The following SHISA7 variants were observed in gnomAD, a reference collection of about 807,000 sequenced individuals.
The protein encoded by SHISA7 is shisa family member 7, also known as protein shisa-7.
A neutral mutation model predicts 23.9 loss-of-function variants in SHISA7; 6 were observed. That is an observed-to-expected ratio of 0.25 (90% CI 0.14 to 0.50). The LOEUF (loss-of-function observed/expected upper bound fraction) is 0.50, where lower values mean the gene tolerates loss of function less well. SHISA7 is among the 20% of genes least tolerant of loss of function. SHISA7 has a pLI of 0.98. For missense variants in SHISA7, 671 were observed against 801.1 expected (o/e 0.84, Z 1.96); for synonymous variants, 386 against 398.3 (o/e 0.97, Z 0.37).
At position 55,442,467 on chromosome 19, in the gene SHISA7, T is replaced by A; in HGVS notation, c.397A>T (p.Thr133Ser). Residue 133 changes from threonine to serine, a missense_variant, in exon 1 of 4, where the codon ACG (threonine) becomes TCG (serine). Transcript: ENST00000376325. ...GGCGGCGTGGTGGCCCAGCGCGGCG[T>A]GTCGTAGTTGGAGCAGGAGGCCTGC... ...LAQASCSNYD[T>S]PRWATTPPPL... 1.4e-6 allele frequency: 2 copies of A among 1,443,072 alleles called. No homozygotes were observed. The highest frequency in any genetic ancestry group is 1.8e-6 in the Non-Finnish European group (2 of 1,096,894). 89.4% of individuals were successfully genotyped at this position (1,443,072 alleles called of 1,614,324 possible). A position where few individuals can be genotyped will look rare whatever the true frequency, so the allele number is the denominator to read the frequency against.
intron 2 of SHISA7, among the ~76,000 whole-genome samples, chr19:55,439,171 G>A (rs1985537051): frequency 6.6e-6 from 1 of 152,210 alleles, no homozygotes; most frequent in Admixed American, 6.5e-5. Context: ...CCCACTGGAT[G>A]TCTGCAGCCC....
At chr19:55,437,857 C>G in intron 2 of SHISA7, 103 bp from the exon 3 acceptor site, 1 of 1,349,764 alleles carries the variant, frequency 7.4e-7, no homozygotes, top group African/African-American at 1.5e-5. Flanking sequence ...GTCCAGAAAC[C>G]CAGCCCCTCT....
In SHISA7 at chr19:55,433,233, C is replaced by G. The variant is rs1455167419; in HGVS notation, c.1540G>C (p.Glu514Gln). The G allele has an allele frequency of 2.6e-6, 4 of 1,524,752 alleles. No individual in the cohort carries two copies. The Admixed American group carries it at 7.9e-5, about 30-fold the overall frequency. 94.5% of individuals were successfully genotyped at this position (1,524,752 alleles called of 1,614,324 possible). A position where few individuals can be genotyped will look rare whatever the true frequency, so the allele number is the denominator to read the frequency against. ...TGGCCCGGGATGAACTGCAGCTGCT[C>G]CAGCGTGCCCTGGCGCTGGAAGGGC... The part of the protein sequence containing the change: ...RPPFQRQGTL[E>Q]QLQFIPGHHL... Residue 514 changes from glutamate to glutamine, a missense_variant, in exon 4 of 4, where the codon GAG becomes CAG. Glu to Gln is a conservative substitution (Grantham distance 29, BLOSUM62 2). This residue lies in a region of SHISA7 where 457 missense variants were observed against 488.3 expected (regional missense o/e 0.94). Coordinates refer to ENST00000376325, the MANE Select transcript of SHISA7 (RefSeq NM_001145176.2). The surrounding 1 kb of genome is among the most constrained non-coding windows in gnomAD (Gnocchi z 8.4).
chr19:55,440,656 T>A lies in SHISA7; in HGVS notation c.781A>T (p.Arg261Trp). The A allele has an allele frequency of 3.2e-6, 4 of 1,249,522 alleles. No homozygotes were observed. Among genetic ancestry groups the A allele is most frequent in the Non-Finnish European group, 4.0e-6 (4 of 988,202 alleles). The allele number at this position is 1,249,522 out of a possible 1,614,324, so 77.4% of individuals were successfully genotyped here. Residue 261 changes from arginine to tryptophan, a missense_variant, in exon 2 of 4, where the codon AGG becomes TGG. By Grantham distance (101) the Arg-to-Trp change is moderately radical. This residue lies in a region of SHISA7 where 457 missense variants were observed against 488.3 expected (regional missense o/e 0.94). Transcript: ENST00000376325. Reference protein sequence around the residue: ...GIGGPDSMPPRTPKNLYNTVK... With the variant: ...GIGGPDSMPPWTPKNLYNTVK... Reference sequence around the variant, plus strand: ...GTGTTGTAGAGGTTCTTGGGCGTCCTGGGGGGCATGCTGTCGGGACCGCCG... The same window carrying A: ...GTGTTGTAGAGGTTCTTGGGCGTCCAGGGGGGCATGCTGTCGGGACCGCCG...
chr19:55,434,464 G>C lies in SHISA7; in HGVS notation c.977-668C>G, dbSNP rs562198705. Reference sequence around the variant, plus strand: ...TGTGTGTGTGGGTGTGTGGTTGTGTGGTGTGTGTGTATGGTGTGTGTGTGG... The same window carrying C: ...TGTGTGTGTGGGTGTGTGGTTGTGTCGTGTGTGTGTATGGTGTGTGTGTGG... On this transcript the variant is annotated intron_variant, in intron 3 of 3. Transcript: ENST00000376325. Among the ~76,000 whole-genome samples, 268 of 127,306 alleles carry C rather than the reference G, an allele frequency of 2.1e-3. 1 individual carries two copies. The highest frequency in any genetic ancestry group is 7.5e-3 in the African/African-American group (246 of 32,788). 83.5% of individuals were successfully genotyped at this position (127,306 alleles called of 152,430 possible). A position where few individuals can be genotyped will look rare whatever the true frequency, so the allele number is the denominator to read the frequency against.
At chr19:55,434,824 TGTGTGTG>T (rs1460236287) in intron 3 of SHISA7, among the ~76,000 whole-genome samples, 2,739 of 75,458 alleles carry the variant, frequency 0.036, 119 homozygotes, top group Non-Finnish European at 0.041. Flanking sequence ...GGTGTGTATG[TGTGTGTG>T]GTGTGTGGTG....
Position 55,437,665 on chromosome 19 carries a change from G to C in SHISA7, c.916C>G (p.Pro306Ala). ...RSFHNLSHLP[P>A]SYEAAVKSEL... is the part of the protein sequence containing the mutation. ...GATTTCACGGCAGCCTCGTAGGACG[G>C]GGGCAGATGCGAGAGGTTGTGGAAG... The change falls in exon 3 of 4, where the codon CCG becomes GCG. Residue 306 changes from proline to alanine, a missense_variant. Pro to Ala is a conservative substitution (Grantham distance 27). Coordinates refer to ENST00000376325, the MANE Select transcript of SHISA7 (RefSeq NM_001145176.2). 1.9e-6 allele frequency: 3 copies of C among 1,551,608 alleles called. No homozygotes were observed. The highest frequency in any genetic ancestry group is 2.6e-6 in the Non-Finnish European group (3 of 1,146,962).
intron 1 of SHISA7, among the ~76,000 whole-genome samples, chr19:55,441,284 C>A (rs1985592921): frequency 6.6e-6 from 1 of 152,248 alleles, no homozygotes; most frequent in East Asian, 1.9e-4. Flanking sequence ...GGTCTCCCCA[C>A]TCCCACCCTA....
At chr19:55,442,126 A>T (rs577093165) in intron 1 of SHISA7, 67 bp downstream of exon 1, 203 of 1,418,920 alleles carry the variant, frequency 1.4e-4, no homozygotes, top group Non-Finnish European at 1.8e-4. Context: ...TCCTCCTCGG[A>T]TGGCTCCACC....
intron 3 of SHISA7, among the ~76,000 whole-genome samples, chr19:55,434,797 T>C (rs1985360230): frequency 7.8e-6 from 1 of 127,828 alleles, no homozygotes; most frequent in African/African-American, 3.1e-5. Flanking sequence ...GTGTGGTGTG[T>C]GTGTGCGTGT....
At chr19:55,438,532 C>T in intron 2 of SHISA7, 1 of 1,303,962 alleles carries the variant, frequency 7.7e-7, no homozygotes, top group Non-Finnish European at 1.0e-6. Context: ...GAGGCCTGCT[C>T]TTTTCCGCAG....
rs1985096311 is a variant in SHISA7 at position 55,428,863 on chromosome 19, G to A, written c.*4293C>T. 1 of 152,276 alleles carries A rather than the reference G, an allele frequency of 6.6e-6. No homozygotes were observed. Among genetic ancestry groups the A allele is most frequent in the African/African-American group, 2.4e-5 (1 of 41,446 alleles). 9.4% of individuals were successfully genotyped at this position (152,276 alleles called of 1,614,324 possible). ...GGGGGTGGAGAGAGGAAGTGATGAG[G>A]AGGGAGGCAGAAGCTGTTGGAGGGT... On this transcript the variant is annotated 3_prime_UTR_variant, in exon 4 of 4. Transcript: ENST00000376325.
chr19:55,434,439 TGTGTGTGTGG>T (rs961074420), intron 3 of SHISA7, among the ~76,000 whole-genome samples: 1 of 132,200 alleles, frequency 7.6e-6, no homozygotes, highest in Non-Finnish European at 1.6e-5. Flanking sequence ...GTGTGTGGTG[TGTGTGTGTGG>T]GTGTGTGGTT....
Position 55,433,587 on chromosome 19 carries a change from A to C in SHISA7, c.1186T>G (p.Ser396Ala), listed in dbSNP as rs1985268366. The C allele has an allele frequency of 6.7e-7, 1 of 1,498,674 alleles. No homozygotes were observed. Among genetic ancestry groups the C allele is most frequent in the South Asian group, 1.2e-5 (1 of 80,342 alleles). The allele number at this position is 1,498,674 out of a possible 1,614,324, so 92.8% of individuals were successfully genotyped here. The change falls in exon 4 of 4, where the codon TCG (serine) becomes GCG (alanine). Residue 396 changes from serine (S) to alanine (A), a missense_variant. Physicochemically the swap from Ser to Ala is moderately conservative, Grantham distance 99 (BLOSUM62 1). Around this residue, in one of 5 missense-constraint regions of SHISA7, gnomAD observed 457 missense variants for 488.3 expected, o/e 0.94. Coordinates refer to ENST00000376325, the MANE Select transcript of SHISA7 (RefSeq NM_001145176.2). This position sits in a 1 kb window ranked among gnomAD's most constrained non-coding sequence, Gnocchi z 8.4. ...CGCGGCAGCGTGAACTCGTAGCGCG[A>C]ACGGCCACCATCGCCCAGCAGGTGC... ...QEHLLGDGGR[S>A]RYEFTLPRAR...
chr19:55,442,173 C>A lies in SHISA7; in HGVS notation c.671+20G>T. On this transcript the variant is annotated intron_variant, in intron 1 of 3. Coordinates refer to ENST00000376325, the MANE Select transcript of SHISA7 (RefSeq NM_001145176.2). ...GCCCCGCCCCAGGCTCGCAGTCCTC[C>A]CGCCCGAGAGCACACGCACCTGGGC... The A allele has an allele frequency of 6.6e-7, 1 of 1,526,382 alleles. No individual in the cohort carries two copies. The allele number at this position is 1,526,382 out of a possible 1,614,324, so 94.6% of individuals were successfully genotyped here.
chr19:55,433,076 C>A lies in SHISA7; in HGVS notation c.*80G>T. ...GCCGATCTGGGCCCCAGGCCCCTGG[C>A]ATGTGTGCGCCTGTGTCGGGGGATC... On this transcript the variant is annotated 3_prime_UTR_variant, in exon 4 of 4. Coordinates refer to ENST00000376325, the MANE Select transcript of SHISA7 (RefSeq NM_001145176.2). The surrounding 1 kb of genome is among the most constrained non-coding windows in gnomAD (Gnocchi z 8.4). 6 of 1,421,656 alleles carry A rather than the reference C, an allele frequency of 4.2e-6. No homozygotes were observed. The highest frequency in any genetic ancestry group is 4.6e-6 in the Non-Finnish European group (5 of 1,092,442). 88.1% of individuals were successfully genotyped at this position (1,421,656 alleles called of 1,614,324 possible). A position where few individuals can be genotyped will look rare whatever the true frequency, so the allele number is the denominator to read the frequency against.
chr19:55,433,272 G>A lies in SHISA7; in HGVS notation c.1501C>T (p.Leu501=). The change falls in exon 4 of 4, where the codon CTG becomes TTG. Residue 501 remains leucine (L), a synonymous_variant. Transcript: ENST00000376325. This position sits in a 1 kb window ranked among gnomAD's most constrained non-coding sequence, Gnocchi z 8.4. Reference sequence around the variant, plus strand: ...CGCTGGAAGGGCGGCCTGCGGGCCAGTGTGCCCCCGCCCCCGCCGGCGTCG... The same window carrying A: ...CGCTGGAAGGGCGGCCTGCGGGCCAATGTGCCCCCGCCCCCGCCGGCGTCG... ...MSDAGGGGGT[L]ARRPPFQRQG... 14 of 1,514,566 alleles carry A rather than the reference G, an allele frequency of 9.2e-6. No individual in the cohort carries two copies. Among genetic ancestry groups the A allele is most frequent in the Non-Finnish European group, 1.2e-5 (14 of 1,138,020 alleles). 93.8% of individuals were successfully genotyped at this position (1,514,566 alleles called of 1,614,324 possible). A position where few individuals can be genotyped will look rare whatever the true frequency, so the allele number is the denominator to read the frequency against.
chr19:55,437,832 C>T, intron 2 of SHISA7, 78 bp from the exon 3 acceptor site: 3 of 1,469,172 alleles, frequency 2.0e-6, no homozygotes, highest in Non-Finnish European at 1.8e-6. Flanking sequence ...AGCCCCTGCT[C>T]CATCAGACCC....
At chr19:55,437,143 G>T (rs1985481650) in intron 3 of SHISA7, among the ~76,000 whole-genome samples, 1 of 152,128 alleles carries the variant, frequency 6.6e-6, no homozygotes, top group African/African-American at 2.4e-5. Context: ...CAGGGTCCCT[G>T]AGCTGGTAGA....
Sources: allele counts gnomAD v4.1 joint callset (sites outside exome capture counted in the v4.1 genomes callset), GRCh38; gene constraint gnomAD v4.1.1; regional missense constraint gnomAD v4.1.1; non-coding constraint Gnocchi (gnomAD v3.1); transcripts MANE v1.5; gene names NCBI Gene and HGNC (gene_info 2026-07-23, HGNC 2026-07-21).